Variants in ADCY5 observed in about 807,000 individuals in gnomAD.
ADCY5 encodes the protein adenylate cyclase 5, also known as adenylate cyclase type 5.
A neutral mutation model predicts 119.7 loss-of-function variants in ADCY5; 30 were observed. The observed-to-expected ratio is 0.25, with a 90% CI of 0.19 to 0.34. The LOEUF (loss-of-function observed/expected upper bound fraction) is 0.34, where lower values mean the gene tolerates loss of function less well. ADCY5 is among the 10% of genes least tolerant of loss of function. ADCY5 has a pLI of 1.00. For synonymous variants in ADCY5, 753 were observed against 762.2 expected, an observed-to-expected ratio of 0.99 and a Z score of 0.20; for missense variants, 1,324 against 1,775.2, an observed-to-expected ratio of 0.75 and a Z score of 4.57.
intron 1 of ADCY5, among the ~76,000 whole-genome samples, chr3:123,402,173 T>C (rs1340974518): frequency 6.6e-6 from 1 of 152,152 alleles, no homozygotes; most frequent in Non-Finnish European, 1.5e-5. Context: ...ACAAGAGGCT[T>C]AGGGAGGGTT....
chr3:123,402,499 T>C (rs1253064504), intron 1 of ADCY5, among the ~76,000 whole-genome samples: 1 of 152,200 alleles, frequency 6.6e-6, no homozygotes, highest in African/African-American at 2.4e-5. Context: ...CGGCTTCTTT[T>C]GAATCTCTCC....
At chr3:123,441,616 C>G (rs2107653842) in intron 1 of ADCY5, among the ~76,000 whole-genome samples, 1 of 152,302 alleles carries the variant, frequency 6.6e-6, no homozygotes, top group Non-Finnish European at 1.5e-5. Context: ...GAGATCCCAG[C>G]AATAACACCT....
At chr3:123,406,146 C>A (rs768592715) in intron 1 of ADCY5, among the ~76,000 whole-genome samples, 5 of 152,300 alleles carry the variant, frequency 3.3e-5, no homozygotes, top group South Asian at 2.1e-4. Flanking sequence ...ACTTTCCTAC[C>A]CTAATCACCC....
At chr3:123,327,276 C>T (rs1339123381) in intron 7 of ADCY5, among the ~76,000 whole-genome samples, 3 of 152,084 alleles carry the variant, frequency 2.0e-5, no homozygotes, top group Non-Finnish European at 4.4e-5. Flanking sequence ...CAAGTGTCCA[C>T]CCCAGTAAAA....
intron 1 of ADCY5, among the ~76,000 whole-genome samples, chr3:123,381,041 G>A (rs774517258): frequency 2.6e-5 from 4 of 152,220 alleles, no homozygotes; most frequent in Non-Finnish European, 4.4e-5. Context: ...GTATCATGGG[G>A]ATAACAGTGG....
At chr3:123,367,653 G>A (rs1011362910) in intron 1 of ADCY5, among the ~76,000 whole-genome samples, 10 of 151,884 alleles carry the variant, frequency 6.6e-5, no homozygotes, top group Non-Finnish European at 1.3e-4. Context: ...GGGGGCTGAC[G>A]AAAGGCTGGA....
intron 3 of ADCY5, among the ~76,000 whole-genome samples, chr3:123,338,966 G>A (rs1942154479): frequency 6.6e-6 from 1 of 152,196 alleles, no homozygotes; most frequent in African/African-American, 2.4e-5. Context: ...AGGGGGGCCT[G>A]TAGTGCTAAT....
chr3:123,366,545 G>T (rs1943445301), intron 1 of ADCY5, among the ~76,000 whole-genome samples: 3 of 152,236 alleles, frequency 2.0e-5, no homozygotes, highest in Admixed American at 2.0e-4. Context: ...GGAGGTATAT[G>T]ACAGGGGCTC....
intron 1 of ADCY5, among the ~76,000 whole-genome samples, chr3:123,446,269 A>C (rs58598311): frequency 6.6e-6 from 1 of 152,192 alleles, no homozygotes; most frequent in Non-Finnish European, 1.5e-5. Flanking sequence ...AGAGGATAAA[A>C]GTCTAAGAGA....
intron 11 of ADCY5, among the ~76,000 whole-genome samples, chr3:123,315,877 A>G: frequency 6.6e-6 from 1 of 152,100 alleles, no homozygotes; most frequent in African/African-American, 2.4e-5. Flanking sequence ...GAGCCACTGC[A>G]CCTGGCCTCC....
rs1264925299 is a variant in ADCY5, at chr3:123,448,311, C to A, written c.235G>T (p.Asp79Tyr). ...LASRWRSDDD[D>Y]DPPLSGDDPL... ...TCGTCACCGCTCAGCGGAGGATCGT[C>A]GTCGTCGTCGCTGCGCCAGCGGCTG... The change falls in exon 1 of 21, where the codon GAC (aspartate) becomes TAC (tyrosine). Residue 79 changes from aspartate (D) to tyrosine (Y), a missense_variant. By Grantham distance (160) the Asp-to-Tyr change is radical. Transcript: ENST00000462833. The A allele has an allele frequency of 6.5e-7, 1 of 1,539,152 alleles. No individual in the cohort carries two copies. The highest frequency in any genetic ancestry group is 8.7e-7 in the Non-Finnish European group (1 of 1,153,484).
At chr3:123,306,528 A>C (rs1225544945) in intron 12 of ADCY5, among the ~76,000 whole-genome samples, 1 of 152,242 alleles carries the variant, frequency 6.6e-6, no homozygotes, top group African/African-American at 2.4e-5. Flanking sequence ...AAAACAGATA[A>C]ATTGGACTTT....
chr3:123,331,913 C>A (rs560541269), intron 4 of ADCY5, among the ~76,000 whole-genome samples: 2 of 152,200 alleles, frequency 1.3e-5, no homozygotes, highest in Non-Finnish European at 2.9e-5. Context: ...CCCGGCCTGG[C>A]GTCCTGTGTG....
rs117573939 is a variant in ADCY5 at position 123,343,922 on chromosome 3, G to A, written c.1406+3860C>T. On this transcript the variant is annotated intron_variant, in intron 3 of 20. Coordinates refer to ENST00000462833, the MANE Select transcript of ADCY5 (RefSeq NM_183357.3). ...ACAGGGGAGACAACTAAGTGTCTCC[G>A]GGGTCTCCAGGGGTCCCCTGGCCTC... 1.2e-3 allele frequency among the ~76,000 whole-genome samples: 181 copies of A among 152,276 alleles called. No homozygotes were observed. The East Asian group carries it at 0.014, about 12-fold the overall frequency.
chr3:123,287,886 A>G (rs906236697), intron 19 of ADCY5, among the ~76,000 whole-genome samples: 1 of 152,178 alleles, frequency 6.6e-6, no homozygotes, highest in Non-Finnish European at 1.5e-5. Context: ...GGCAGATTCT[A>G]CACTCAGTCC....
Position 123,286,768 on chromosome 3 carries a change from G to T in ADCY5, c.3574C>A (p.Arg1192=). The change falls in exon 20 of 21, where the codon CGA becomes AGA. Residue 1192 remains arginine, a synonymous_variant. Coordinates refer to ENST00000462833, the MANE Select transcript of ADCY5 (RefSeq NM_183357.3). This position sits in a 1 kb window ranked among gnomAD's most constrained non-coding sequence, Gnocchi z 4.2. ...CCCCAGATGTCGTACTGAGGCTTTC[G>T]TGCCCCTATCACCCCGGCCACCACG... is the stretch of plus-strand genomic sequence containing the variant. ...GPVVAGVIGA[R]KPQYDIWGNT... is the part of the protein sequence containing the mutation. 6.2e-7 allele frequency: 1 copy of T among 1,613,080 alleles called. No homozygotes were observed. Among genetic ancestry groups the T allele is most frequent in the Non-Finnish European group, 8.5e-7 (1 of 1,179,518 alleles).
chr3:123,393,828 CACA>C (rs1162475544), intron 1 of ADCY5, among the ~76,000 whole-genome samples: 2 of 143,200 alleles, frequency 1.4e-5, no homozygotes, highest in South Asian at 2.6e-4. Context: ...AGGAACTATG[CACA>C]ACAACAACAG....
intron 1 of ADCY5, among the ~76,000 whole-genome samples, chr3:123,407,020 G>A (rs1178183272): frequency 6.6e-6 from 1 of 152,146 alleles, no homozygotes; most frequent in Admixed American, 6.5e-5. Context: ...TCCACACCCA[G>A]ACCTGCAGAC....
In ADCY5 at chr3:123,289,836, T is replaced by G; in HGVS notation, c.3446A>C (p.Lys1149Thr). The change falls in exon 19 of 21, where the codon AAG becomes ACG. Residue 1149 changes from lysine to threonine, a missense_variant. Coordinates refer to ENST00000462833, the MANE Select transcript of ADCY5 (RefSeq NM_183357.3). ...CTTCATGGCAAAGTCGGCCAGTGCCTTGATGTGGGTCTTGCCCACCTTGTC... is the reference window on the plus strand; with the variant it reads ...CTTCATGGCAAAGTCGGCCAGTGCCGTGATGTGGGTCTTGCCCACCTTGTC... ...TYDKVGKTHI[K>T]ALADFAMKLM... is the part of the protein sequence containing the mutation. 3 of 1,614,242 alleles carry G rather than the reference T, an allele frequency of 1.9e-6. No homozygotes were observed. Among genetic ancestry groups the G allele is most frequent in the Non-Finnish European group, 2.5e-6 (3 of 1,180,038 alleles).
Sources: allele counts gnomAD v4.1 joint callset (sites outside exome capture counted in the v4.1 genomes callset), GRCh38; gene constraint gnomAD v4.1.1; non-coding constraint Gnocchi (gnomAD v3.1); transcripts MANE v1.5; gene names NCBI Gene and HGNC (gene_info 2026-07-23, HGNC 2026-07-21).